IMPDH2: variants seen among roughly 807,000 people sequenced by gnomAD.
IMPDH2 encodes the protein inosine monophosphate dehydrogenase 2.
In IMPDH2, 33 loss-of-function variants were observed where a neutral mutation model predicts 57.8. That is an observed-to-expected ratio of 0.57 (90% CI 0.43 to 0.76). The LOEUF (loss-of-function observed/expected upper bound fraction) is 0.76, where lower values mean the gene tolerates loss of function less well. IMPDH2 is among the 30% of genes least tolerant of loss of function. The probability of loss-of-function intolerance (pLI) is 0.00; values close to 1 mark genes in which losing one functional copy is unlikely to be tolerated. For missense variants in IMPDH2, 446 were observed against 659.1 expected (o/e 0.68, Z 3.54); for synonymous variants, 270 against 241.3 (o/e 1.12, Z -1.10).
chr3:49,024,924 G>A lies in IMPDH2; in HGVS notation c.1267C>T (p.His423Tyr), dbSNP rs886943512. 7 of 1,614,080 alleles carry A rather than the reference G, an allele frequency of 4.3e-6. No individual in the cohort carries two copies. In the South Asian group the frequency reaches 5.5e-5, roughly 13 times the overall value. Residue 423 changes from histidine (H) to tyrosine (Y), a missense_variant, in exon 11 of 14, where the codon CAC (histidine) becomes TAC (tyrosine). Transcript: ENST00000326739. ...AAATATCTGTTCTGGCTGCTGAGGT[G>A]CTTGTCCATGGCATCGAGAGAACCC... The part of the protein sequence containing the change: ...GMGSLDAMDK[H>Y]LSSQNRYFSE...
intron 5 of IMPDH2, 34 bp downstream of exon 5, chr3:49,027,676 T>G (rs185178483): frequency 6.3e-7 from 1 of 1,576,426 alleles, no homozygotes; most frequent in Non-Finnish European, 8.7e-7. Context: ...CCTGGGCTGC[T>G]AGAGCTTGGA....
rs769630682 is a variant in IMPDH2 at position 49,028,329 on chromosome 3, G to A, written c.250-7C>T. 1.2e-6 allele frequency: 2 copies of A among 1,613,564 alleles called. No individual in the cohort carries two copies. The highest frequency in any genetic ancestry group is 8.5e-7 in the Non-Finnish European group (1 of 1,179,476). Reference sequence around the variant, plus strand: ...AGCCAATACCGCCTGTAAGCTACAGGATAAAAAGAGACTACTACTAAGTGA... The same window carrying A: ...AGCCAATACCGCCTGTAAGCTACAGAATAAAAAGAGACTACTACTAAGTGA... On this transcript the variant is annotated splice_region_variant and splice_polypyrimidine_tract_variant and intron_variant, in intron 3 of 13. Transcript: ENST00000326739.
intron 3 of IMPDH2, 50 bp from the exon 4 acceptor site, chr3:49,028,372 T>C: frequency 3.1e-6 from 5 of 1,604,684 alleles, no homozygotes; most frequent in Middle Eastern, 1.7e-4. Flanking sequence ...CAGGACTGAA[T>C]GCCTTTGGGG....
Position 49,027,719 on chromosome 3 carries a change from G to C in IMPDH2, c.522C>G (p.Phe174Leu), listed in dbSNP as rs936958196. 6.2e-7 allele frequency: 1 copy of C among 1,613,942 alleles called. No homozygotes were observed. Among genetic ancestry groups the C allele is most frequent in the Non-Finnish European group, 8.5e-7 (1 of 1,179,936 alleles). The change falls in exon 5 of 14, where the codon TTC becomes TTG. Residue 174 changes from phenylalanine to leucine, a missense_variant. Phe to Leu is a conservative substitution (Grantham distance 22). Transcript: ENST00000326739. ...DFLKEEEHDC[F>L]LEEIMTKRED... is the part of the protein sequence containing the mutation. The stretch of plus-strand genomic sequence containing the variant: ...TGCCAGTGGCACCCACCTCTTCCAA[G>C]AAACAGTCATGTTCCTCCTCTTTGA...
At position 49,027,805 on chromosome 3, in the gene IMPDH2, C is replaced by A; in HGVS notation, c.436G>T (p.Asp146Tyr). Reference protein sequence around the residue: ...RHGFCGIPITDTGRMGSRLVG... With the variant: ...RHGFCGIPITYTGRMGSRLVG... ...AAGCGGCTCCCCATCCGGCCTGTGT[C>A]TGTGATTGGGATACCGCAGAAACCA... Residue 146 changes from aspartate (D) to tyrosine (Y), a missense_variant, in exon 5 of 14, where the codon GAC (aspartate) becomes TAC (tyrosine). Coordinates refer to ENST00000326739, the MANE Select transcript of IMPDH2 (RefSeq NM_000884.3). The A allele has an allele frequency of 6.2e-7, 1 of 1,614,214 alleles. No individual in the cohort carries two copies. The highest frequency in any genetic ancestry group is 8.5e-7 in the Non-Finnish European group (1 of 1,180,032).
rs72624913 is a variant in IMPDH2, at chr3:49,026,331, C to A, written c.999G>T (p.Thr333=). 2 of 1,606,506 alleles carry A rather than the reference C, an allele frequency of 1.2e-6. No individual in the cohort carries two copies. ...ATCAAAGTATATTCTTACCTTCCTG[C>A]GTAATGCAGATGGAGCCACTTCCCA... ...VGMGSGSICI[T]QEVLACGRPQ... Residue 333 remains threonine, a synonymous_variant, in exon 9 of 14, where the codon ACG becomes ACT. Transcript: ENST00000326739.
intron 9 of IMPDH2, 139 bp from the exon 10 acceptor site, chr3:49,025,408 G>A: frequency 1.1e-6 from 1 of 873,976 alleles, no homozygotes; most frequent in Non-Finnish European, 1.9e-6. Flanking sequence ...GACGTGTCTG[G>A]GATGGCTGCT....
At chr3:49,027,505 A>ACTAGC (rs2093204516) in intron 5 of IMPDH2, among the ~76,000 whole-genome samples, 1 of 152,218 alleles carries the variant, frequency 6.6e-6, no homozygotes, top group Admixed American at 6.5e-5. Context: ...TTAAAAGAAC[A>ACTAGC]AAGCATGAAT....
intron 1 of IMPDH2, 24 bp downstream of exon 1, chr3:49,029,229 C>T (rs2093214473): frequency 6.4e-7 from 1 of 1,558,754 alleles, no homozygotes; most frequent in African/African-American, 1.4e-5. Flanking sequence ...TCTCTTCGCC[C>T]AGGTGAGCCC....
Position 49,026,864 on chromosome 3 carries a change from T to G in IMPDH2, c.642A>C (p.Glu214Asp). The G allele has an allele frequency of 6.2e-7, 1 of 1,614,232 alleles. No individual in the cohort carries two copies. Among genetic ancestry groups the G allele is most frequent in the Non-Finnish European group, 8.5e-7 (1 of 1,180,020 alleles). Reference sequence around the variant, plus strand: ...CAATGATGGCCACAAGCTCATCATCTTCATTTACAATGGGCAACTTTCCTG... The same window carrying G: ...CAATGATGGCCACAAGCTCATCATCGTCATTTACAATGGGCAACTTTCCTG... Reference protein sequence around the residue: ...SKKGKLPIVNEDDELVAIIAR... With the variant: ...SKKGKLPIVNDDDELVAIIAR... Residue 214 changes from glutamate to aspartate, a missense_variant, in exon 7 of 14, where the codon GAA becomes GAC. Coordinates refer to ENST00000326739, the MANE Select transcript of IMPDH2 (RefSeq NM_000884.3).
intron 1 of IMPDH2, 69 bp downstream of exon 1, chr3:49,029,184 G>T (rs776035957): frequency 5.4e-6 from 7 of 1,284,806 alleles, no homozygotes; most frequent in East Asian, 5.0e-5. Context: ...GCTCTCGGAA[G>T]CCCCCATCTG....
rs1267934357 is a variant in IMPDH2 at position 49,024,374 on chromosome 3, G to C, written c.*9C>G. The C allele has an allele frequency of 1.2e-6, 2 of 1,613,968 alleles. No individual in the cohort carries two copies. Among genetic ancestry groups the C allele is most frequent in the African/African-American group, 2.7e-5 (2 of 74,904 alleles). ...AAAAAAAAACCGAGGAGGTGTGCTG[G>C]ATCCCTTTTCAGAAAAGCCGCTTCT... On this transcript the variant is annotated 3_prime_UTR_variant, in exon 14 of 14. Transcript: ENST00000326739.
rs193197211 is a variant in IMPDH2, at chr3:49,028,650, T to C, written c.147+108A>G. ...TGCATGCTAACAAGCAACATGATCC[T>C]ATAAAATCCACCCCCAAGCCCAATC... On this transcript the variant is annotated intron_variant, in intron 2 of 13. Coordinates refer to ENST00000326739, the MANE Select transcript of IMPDH2 (RefSeq NM_000884.3). 6.6e-5 allele frequency: 88 copies of C among 1,334,142 alleles called. 1 individual carries two copies. The East Asian group carries it at 1.2e-3, about 17-fold the overall frequency. 82.6% of individuals were successfully genotyped at this position (1,334,142 alleles called of 1,614,324 possible).
intron 1 of IMPDH2, chr3:49,029,021 A>C (rs2093212522): frequency 4.6e-6 from 3 of 647,408 alleles, no homozygotes; most frequent in Non-Finnish European, 8.4e-6. Context: ...TGACAATTCC[A>C]TGTGTCTGGA....
intron 10 of IMPDH2, 23 bp from the exon 11 acceptor site, chr3:49,025,063 G>C: frequency 6.2e-7 from 1 of 1,614,230 alleles, no homozygotes; most frequent in Non-Finnish European, 8.5e-7. Flanking sequence ...GGAGTGCTTG[G>C]GTTAGAGCCT....
rs563792919 is a variant in IMPDH2 at position 49,027,537 on chromosome 3, T to C, written c.531+173A>G. Among the ~76,000 whole-genome samples, 6 of 152,300 alleles carry C rather than the reference T, an allele frequency of 3.9e-5. No homozygotes were observed. The South Asian group carries it at 8.3e-4, about 21-fold the overall frequency. On this transcript the variant is annotated intron_variant, in intron 5 of 13. Transcript: ENST00000326739. ...GAATACTAGCAAGCATTTGGGCAGT[T>C]TGAAAGCCTCTGGTGGGGAAAGGAT...
In IMPDH2 at chr3:49,025,110, G is replaced by A. The variant is rs770153040; in HGVS notation, c.1150+16C>T. 11 of 1,614,096 alleles carry A rather than the reference G, an allele frequency of 6.8e-6. No homozygotes were observed. The highest frequency in any genetic ancestry group is 2.2e-5 in the South Asian group (2 of 91,086). On this transcript the variant is annotated intron_variant, in intron 10 of 13. Transcript: ENST00000326739. ...GGGAGGGGGTCCCACTGGCCTTCAC[G>A]GGTACTGGGCCTCACCTGTGGAGGC...
chr3:49,027,980 G>A lies in IMPDH2; in HGVS notation c.325-64C>T, dbSNP rs143358059. 1.0e-4 allele frequency: 126 copies of A among 1,233,076 alleles called. No individual in the cohort carries two copies. The East Asian group carries it at 1.1e-3, about 11-fold the overall frequency. 76.4% of individuals were successfully genotyped at this position (1,233,076 alleles called of 1,614,324 possible). A position where few individuals can be genotyped will look rare whatever the true frequency, so the allele number is the denominator to read the frequency against. ...ACTACTTTCATCAGGCTCTTGATCTGAAGCATGGGGTCTCTGCTTATCGAT... is the reference window on the plus strand; with the variant it reads ...ACTACTTTCATCAGGCTCTTGATCTAAAGCATGGGGTCTCTGCTTATCGAT... On this transcript the variant is annotated intron_variant, in intron 4 of 13. Coordinates refer to ENST00000326739, the MANE Select transcript of IMPDH2 (RefSeq NM_000884.3).
intron 2 of IMPDH2, 99 bp downstream of exon 2, chr3:49,028,659 C>T (rs1291755741): frequency 7.3e-7 from 1 of 1,364,758 alleles, no homozygotes; most frequent in Non-Finnish European, 1.0e-6. Context: ...CTATAAAATC[C>T]ACCCCCAAGC....
Sources: gnomAD v4.1 joint callset for allele counts (sites outside exome capture counted in the v4.1 genomes callset) on GRCh38, gnomAD v4.1.1 for gene constraint, MANE v1.5 for transcripts, NCBI Gene and HGNC (gene_info 2026-07-23, HGNC 2026-07-21) for gene names.